STK24: variants seen among roughly 807,000 people sequenced by gnomAD.
STK24 encodes serine/threonine kinase 24, also known as serine/threonine-protein kinase 24.
STK24 carries 21 observed loss-of-function variants against 55.6 expected under a neutral mutation model. That is an observed-to-expected ratio of 0.38 (90% CI 0.27 to 0.54). The LOEUF (loss-of-function observed/expected upper bound fraction) is 0.54. STK24 is among the 20% of genes least tolerant of loss of function. STK24 has a pLI of 0.79. For synonymous variants in STK24, 200 were observed against 215.2 expected (o/e 0.93, Z 0.62); for missense variants, 383 against 538.4 (o/e 0.71, Z 2.86).
intron 1 of STK24, among the ~76,000 whole-genome samples, chr13:98,544,507 G>A (rs1470763811): frequency 1.3e-5 from 2 of 152,244 alleles, no homozygotes; most frequent in Admixed American, 1.3e-4. Context: ...GGGTAGAGCA[G>A]GCAGAGGCAC....
chr13:98,467,740 C>T (rs1365118305), intron 5 of STK24, among the ~76,000 whole-genome samples: 2 of 152,118 alleles, frequency 1.3e-5, no homozygotes, highest in South Asian at 2.1e-4. Flanking sequence ...CACAACCAAG[C>T]AGTTAGGCAA....
intron 3 of STK24, among the ~76,000 whole-genome samples, chr13:98,478,545 G>C (rs560636961): frequency 1.3e-5 from 2 of 152,350 alleles, no homozygotes; most frequent in Admixed American, 6.5e-5. Context: ...AGCACAGACC[G>C]TGACGGTATG....
intron 1 of STK24, among the ~76,000 whole-genome samples, chr13:98,562,114 T>A (rs750121080): frequency 6.6e-6 from 1 of 152,018 alleles, no homozygotes; most frequent in Non-Finnish European, 1.5e-5. Flanking sequence ...CAATGCTGAA[T>A]GAGGAACAAT....
intron 5 of STK24, 53 bp downstream of exon 5, chr13:98,474,768 C>CG: frequency 6.5e-7 from 1 of 1,538,574 alleles, no homozygotes; most frequent in Non-Finnish European, 8.7e-7. Context: ...GAACAAAAGG[C>CG]GGGAGCCCTC....
At chr13:98,548,286 A>G (rs1404512420) in intron 1 of STK24, among the ~76,000 whole-genome samples, 1 of 152,142 alleles carries the variant, frequency 6.6e-6, no homozygotes, top group Non-Finnish European at 1.5e-5. Context: ...GTTTTTTTTA[A>G]AACTGGACAT....
At chr13:98,559,763 T>G (rs1268841472) in intron 1 of STK24, among the ~76,000 whole-genome samples, 1 of 151,962 alleles carries the variant, frequency 6.6e-6, no homozygotes, top group Non-Finnish European at 1.5e-5. Flanking sequence ...AAACAAAAAT[T>G]TGAAAATCTG....
At chr13:98,484,813 G>A (rs12871067) in intron 2 of STK24, among the ~76,000 whole-genome samples, 37,410 of 151,984 alleles carry the variant, frequency 0.25, 4,832 homozygotes, top group Non-Finnish European at 0.29. Flanking sequence ...AGCAAACCCC[G>A]CCTCAGGACC....
At chr13:98,563,400 G>C (rs1897481659) in intron 1 of STK24, among the ~76,000 whole-genome samples, 1 of 152,138 alleles carries the variant, frequency 6.6e-6, no homozygotes, top group Admixed American at 6.5e-5. Flanking sequence ...GACAAAGCAG[G>C]GGAAGGCATT....
At chr13:98,548,316 C>A (rs1837043998) in intron 1 of STK24, among the ~76,000 whole-genome samples, 1 of 152,134 alleles carries the variant, frequency 6.6e-6, no homozygotes, top group Non-Finnish European at 1.5e-5. Context: ...TCCCCTGTTC[C>A]CATTATGGTG....
intron 1 of STK24, among the ~76,000 whole-genome samples, chr13:98,535,425 ACACACACACACG>A (rs372261586): frequency 2.8e-5 from 3 of 106,980 alleles, no homozygotes; most frequent in Admixed American, 1.8e-4. Context: ...ACACACACAC[ACACACACACACG>A]CAATGCATTC....
intron 1 of STK24, among the ~76,000 whole-genome samples, chr13:98,523,314 A>AC (rs761122610): frequency 3.9e-5 from 6 of 152,208 alleles, no homozygotes; most frequent in Admixed American, 2.0e-4. Context: ...AAAACAGGCG[A>AC]CAAGAATTTA....
chr13:98,523,168 C>G (rs1950567964), intron 1 of STK24, among the ~76,000 whole-genome samples: 2 of 152,202 alleles, frequency 1.3e-5, no homozygotes, highest in Admixed American at 1.3e-4. Context: ...CCACTCGGCA[C>G]AGGCTGGGAC....
At chr13:98,466,665 G>T in intron 5 of STK24, 104 bp from the exon 6 acceptor site, 1 of 1,284,084 alleles carries the variant, frequency 7.8e-7, no homozygotes, top group Non-Finnish European at 1.1e-6. Context: ...CTGAGGTTTT[G>T]AAAAAGGTAT....
intron 1 of STK24, among the ~76,000 whole-genome samples, chr13:98,574,733 C>G (rs1405553098): frequency 6.6e-6 from 1 of 151,812 alleles, no homozygotes; most frequent in Admixed American, 6.6e-5. Flanking sequence ...ACTGAGAAAA[C>G]AAAATAAAAA....
At chr13:98,498,459 T>G (rs979577807) in intron 2 of STK24, among the ~76,000 whole-genome samples, 1 of 152,208 alleles carries the variant, frequency 6.6e-6, no homozygotes, top group African/African-American at 2.4e-5. Context: ...CTGTGATTGG[T>G]TGAATGACAA....
At position 98,446,196 on chromosome 13, in the gene STK24, A is replaced by G. The variant is rs778009301; in HGVS notation, c.*6977T>C. On this transcript the variant is annotated 3_prime_UTR_variant, in exon 11 of 11. Coordinates refer to ENST00000539966, the MANE Select transcript of STK24 (RefSeq NM_001032296.4). ...CAAACTTCTGCCTGTTCTTCTACAA[A>G]TCACACCAGGTAAGTGTCTCGCACA... The G allele has an allele frequency of 6.2e-7, 1 of 1,610,874 alleles. No individual in the cohort carries two copies. Among genetic ancestry groups the G allele is most frequent in the Admixed American group, 1.7e-5 (1 of 59,976 alleles).
In STK24 at chr13:98,493,759, C is replaced by A. The variant is rs553191495; in HGVS notation, c.274-11438G>T. ...TAGCATTAATTCTTTCAAGACCCAG[C>A]CGAAAGAGACCAAACAAGACCAAGT... On this transcript the variant is annotated intron_variant, in intron 2 of 10. Transcript: ENST00000539966. Among the ~76,000 whole-genome samples, 202 of 152,000 alleles carry A rather than the reference C, an allele frequency of 1.3e-3. 2 individuals are homozygous for A. Among genetic ancestry groups the A allele is most frequent in the Admixed American group, 2.6e-3 (40 of 15,296 alleles).
intron 1 of STK24, among the ~76,000 whole-genome samples, chr13:98,528,223 C>T (rs1022048171): frequency 1.3e-5 from 2 of 152,174 alleles, no homozygotes; most frequent in Non-Finnish European, 2.9e-5. Context: ...GTTTGCCTGG[C>T]CAATGTCATG....
intron 2 of STK24, among the ~76,000 whole-genome samples, chr13:98,510,409 C>T (rs1018239509): frequency 6.6e-6 from 1 of 152,168 alleles, no homozygotes; most frequent in Admixed American, 6.5e-5. Flanking sequence ...CACATTTGAC[C>T]CAATAACCCC....
Sources: gnomAD v4.1 joint callset for allele counts (sites outside exome capture counted in the v4.1 genomes callset) on GRCh38, gnomAD v4.1.1 for gene constraint, MANE v1.5 for transcripts, NCBI Gene and HGNC (gene_info 2026-07-23, HGNC 2026-07-21) for gene names.